The following ZNF428 variants were observed in gnomAD, a reference collection of about 807,000 sequenced individuals.
The protein encoded by ZNF428 is zinc finger protein 428, also known as enzyme-like protein PIT13.
ZNF428 carries 5 observed loss-of-function variants against 15.6 expected under a neutral mutation model. The observed-to-expected ratio is 0.32, with a 90% CI of 0.17 to 0.67. ZNF428 has a LOEUF of 0.67. Among genes scored for constraint, ZNF428 ranks in the 30% least tolerant of loss-of-function variants. The probability of loss-of-function intolerance (pLI) is 0.73; values close to 1 mark genes in which losing one functional copy is unlikely to be tolerated. For missense variants in ZNF428, 237 were observed against 256.0 expected (o/e 0.93, Z 0.51); for synonymous variants, 97 against 102.2 (o/e 0.95, Z 0.31).
chr19:43,614,440 TA>T lies in ZNF428; in HGVS notation c.-130-7del, dbSNP rs891673840. On this transcript the variant is annotated splice_region_variant and splice_polypyrimidine_tract_variant and intron_variant, in intron 1 of 2. Coordinates refer to ENST00000300811, the MANE Select transcript of ZNF428 (RefSeq NM_182498.4). ...TTGGCAGGTAGAGAGGGATGCTGGA[TA>T]GGGGGAAAGGAAAGACCTGTGATGA... 7 of 1,446,796 alleles carry T rather than the reference TA, an allele frequency of 4.8e-6. No individual in the cohort carries two copies. The highest frequency in any genetic ancestry group is 4.3e-5 in the African/African-American group (3 of 69,928). 89.6% of individuals were successfully genotyped at this position (1,446,796 alleles called of 1,614,324 possible).
At chr19:43,614,586 C>A in intron 1 of ZNF428, 152 bp from the exon 2 acceptor site, 1 of 541,702 alleles carries the variant, frequency 1.8e-6, no homozygotes. Flanking sequence ...TGACTGCAAG[C>A]CCTGCCCCTC....
chr19:43,615,709 T>A (rs1973365677), intron 1 of ZNF428, among the ~76,000 whole-genome samples: 1 of 151,956 alleles, frequency 6.6e-6, no homozygotes, highest in Non-Finnish European at 1.5e-5. Context: ...AAAAAAAATT[T>A]TTGCTGGAGC....
intron 1 of ZNF428, among the ~76,000 whole-genome samples, chr19:43,615,346 T>G (rs560970077): frequency 4.2e-4 from 64 of 151,136 alleles, no homozygotes; most frequent in Non-Finnish European, 1.6e-4. Context: ...ATCTGCCCAC[T>G]TCAGCCCTCC....
chr19:43,613,476 C>A, intron 2 of ZNF428: 3 of 1,545,026 alleles, frequency 1.9e-6, no homozygotes, highest in Non-Finnish European at 2.6e-6. Flanking sequence ...CGCAGCCGAT[C>A]TAGAAGTCCC....
In ZNF428 at chr19:43,612,512, A is replaced by G. The variant is rs1381873231; in HGVS notation, c.76+1717T>C. ...GACACCTGGCAGAAGGGGAAGCCGC[A>G]GCTCCAAGAGGTCACCCAGCAGGGC... On this transcript the variant is annotated intron_variant, in intron 2 of 2. Coordinates refer to ENST00000300811, the MANE Select transcript of ZNF428 (RefSeq NM_182498.4). The surrounding 1 kb of genome is among the most constrained non-coding windows in gnomAD (Gnocchi z 4.2). 1.9e-6 allele frequency: 3 copies of G among 1,551,466 alleles called. No individual in the cohort carries two copies. In the South Asian group the frequency reaches 3.6e-5, roughly 18 times the overall value.
rs3052821 is a variant in ZNF428 at position 43,607,372 on chromosome 19, T to TAC, written c.*243_*244dup. 0.066 allele frequency: 27,819 copies of TAC among 418,496 alleles called. 553 individuals are homozygous for TAC. Among genetic ancestry groups the TAC allele is most frequent in the African/African-American group, 0.12 (5,593 of 47,438 alleles). The allele number at this position is 418,496 out of a possible 1,614,324, so 25.9% of individuals were successfully genotyped here. A position where few individuals can be genotyped will look rare whatever the true frequency, so the allele number is the denominator to read the frequency against. ...TCCCCAAGAAGGAGCCCAGGGGGAA[T>TAC]ACACACACACACACACACACACAAA... On this transcript the variant is annotated 3_prime_UTR_variant, in exon 3 of 3. Transcript: ENST00000300811. The surrounding 1 kb of genome is among the most constrained non-coding windows in gnomAD (Gnocchi z 5.1).
intron 2 of ZNF428, among the ~76,000 whole-genome samples, chr19:43,611,212 T>C (rs1163018807): frequency 6.6e-6 from 1 of 152,178 alleles, no homozygotes; most frequent in Non-Finnish European, 1.5e-5. Context: ...AGGTATGATC[T>C]TGGGGTCCGC....
Position 43,613,863 on chromosome 19 carries a change from G to A in ZNF428, c.76+366C>T, listed in dbSNP as rs374921448. ...AGAAGCCCCAGCAAGGAGAGAGAGC[G>A]CAGACAATCTAGAAGCTCCAGCGAG... On this transcript the variant is annotated intron_variant, in intron 2 of 2. Transcript: ENST00000300811. 5.3e-5 allele frequency: 82 copies of A among 1,551,238 alleles called. No homozygotes were observed. In the African/African-American group the frequency reaches 6.6e-4, roughly 12 times the overall value.
rs757344866 is a variant in ZNF428 at position 43,607,586 on chromosome 19, T to C, written c.*31A>G. 78 of 854,262 alleles carry C rather than the reference T, an allele frequency of 9.1e-5. No individual in the cohort carries two copies. In the South Asian group the frequency reaches 1.1e-3, roughly 12 times the overall value. 52.9% of individuals were successfully genotyped at this position (854,262 alleles called of 1,614,324 possible). On this transcript the variant is annotated 3_prime_UTR_variant, in exon 3 of 3. Transcript: ENST00000300811. This position sits in a 1 kb window ranked among gnomAD's most constrained non-coding sequence, Gnocchi z 5.1. ...CAGCCCCCTCCTCCCACCCCACCCC[T>C]TCTGCCAAGCTCCCCGTATGGGGGC... is the stretch of plus-strand genomic sequence containing the variant.
chr19:43,613,400 C>T (rs1381717154), intron 2 of ZNF428: 15 of 1,530,610 alleles, frequency 9.8e-6, no homozygotes, highest in East Asian at 7.4e-5. Context: ...AGATCGCAGC[C>T]GATCTAGAAG....
chr19:43,618,873 A>G (rs1245321257), intron 1 of ZNF428, among the ~76,000 whole-genome samples: 1 of 152,086 alleles, frequency 6.6e-6, no homozygotes, highest in African/African-American at 2.4e-5. Flanking sequence ...CCAGGAGACA[A>G]TGCCCATCAG....
intron 2 of ZNF428, chr19:43,613,586 G>C (rs1283342121): frequency 6.5e-7 from 1 of 1,538,440 alleles, no homozygotes; most frequent in Admixed American, 2.0e-5. Context: ...CAGCCAACTT[G>C]GAAGCCCCAG....
At chr19:43,608,143 A>G in intron 2 of ZNF428, 36 bp from the exon 3 acceptor site, 1 of 1,580,560 alleles carries the variant, frequency 6.3e-7, no homozygotes, top group Non-Finnish European at 8.6e-7. Flanking sequence ...CAGTGGTATC[A>G]GAGGAAAGAG....
intron 2 of ZNF428, chr19:43,613,466 C>T (rs985568819): frequency 1.3e-6 from 2 of 1,545,466 alleles, no homozygotes; most frequent in South Asian, 2.4e-5. Flanking sequence ...GGCGAGAGAT[C>T]GCAGCCGATC....
In ZNF428 at chr19:43,612,249, C is replaced by G. The variant is rs1973305650; in HGVS notation, c.76+1980G>C. 1.9e-6 allele frequency: 3 copies of G among 1,551,754 alleles called. No individual in the cohort carries two copies. The highest frequency in any genetic ancestry group is 2.4e-5 in the South Asian group (2 of 84,060). On this transcript the variant is annotated intron_variant, in intron 2 of 2. Coordinates refer to ENST00000300811, the MANE Select transcript of ZNF428 (RefSeq NM_182498.4). This position sits in a 1 kb window ranked among gnomAD's most constrained non-coding sequence, Gnocchi z 4.2. Reference sequence around the variant, plus strand: ...ACCAAATCAGCAACACCCAACAGATCCTTAGTGCCCACCAAACCAGCGACA... The same window carrying G: ...ACCAAATCAGCAACACCCAACAGATGCTTAGTGCCCACCAAACCAGCGACA...
intron 2 of ZNF428, chr19:43,613,082 G>C: frequency 6.4e-7 from 1 of 1,551,522 alleles, no homozygotes; most frequent in Non-Finnish European, 8.7e-7. Context: ...CACCCGGAAG[G>C]GAATTCTGAG....
At chr19:43,613,888 G>C in intron 2 of ZNF428, 2 of 1,551,382 alleles carry the variant, frequency 1.3e-6, no homozygotes, top group Non-Finnish European at 1.7e-6. Context: ...GCTCCAGCGA[G>C]GAGAGAGATC....
At chr19:43,617,755 T>G (rs1568536880) in intron 1 of ZNF428, among the ~76,000 whole-genome samples, 3 of 152,232 alleles carry the variant, frequency 2.0e-5, no homozygotes, top group Admixed American at 2.0e-4. Context: ...TTGCGAAGGC[T>G]GCTGTCAAAT....
At chr19:43,617,745 T>C (rs1361899807) in intron 1 of ZNF428, among the ~76,000 whole-genome samples, 1 of 152,250 alleles carries the variant, frequency 6.6e-6, no homozygotes, top group Non-Finnish European at 1.5e-5. Flanking sequence ...TCTCACTATG[T>C]TGCGAAGGCT....
Sources: allele counts gnomAD v4.1 joint callset (sites outside exome capture counted in the v4.1 genomes callset), GRCh38; gene constraint gnomAD v4.1.1; non-coding constraint Gnocchi (gnomAD v3.1); transcripts MANE v1.5; gene names NCBI Gene and HGNC (gene_info 2026-07-23, HGNC 2026-07-21).